OR4K2: variants seen among roughly 807,000 people sequenced by gnomAD.
The protein encoded by OR4K2 is olfactory receptor 4K2.
In OR4K2, 8 loss-of-function variants were observed where a neutral mutation model predicts 10.5. The observed-to-expected ratio is 0.76, with a 90% CI of 0.45 to 1.37. The LOEUF is 1.37. Ranked by LOEUF, OR4K2 falls within the 40% of genes most tolerant of loss-of-function variation. The pLI, the probability that OR4K2 is intolerant of heterozygous loss-of-function variation, is 0.00. For missense variants in OR4K2, 547 were observed against 379.5 expected (o/e 1.44, Z -3.67); for synonymous variants, 178 against 133.6 (o/e 1.33, Z -2.29).
rs955526275 is a variant in OR4K2, at chr14:19,880,254, A to T, written c.*3042A>T. The T allele has an allele frequency of 2.0e-5, 3 of 152,096 alleles. No homozygotes were observed. The highest frequency in any genetic ancestry group is 4.4e-5 in the Non-Finnish European group (3 of 68,010). The allele number at this position is 152,096 out of a possible 1,614,324, so 9.4% of individuals were successfully genotyped here. ...ACTCTGGTATCTTTTTTTTTTTTAA[A>T]CAGTGTTTAATACTACTTCTACTAC... On this transcript the variant is annotated 3_prime_UTR_variant, in exon 2 of 2. Coordinates refer to ENST00000641885, the MANE Select transcript of OR4K2 (RefSeq NM_001005501.2).
rs1880873849 is a variant in OR4K2 at position 19,875,595 on chromosome 14, C to T, written c.-563C>T. ...AGAAAGGACCAAAAGAAGTTAAATGCCTTTCCTTTGTCTGTATGACTGTAT... is the reference window on the plus strand; with the variant it reads ...AGAAAGGACCAAAAGAAGTTAAATGTCTTTCCTTTGTCTGTATGACTGTAT... On this transcript the variant is annotated 5_prime_UTR_variant, in exon 1 of 2. Coordinates refer to ENST00000641885, the MANE Select transcript of OR4K2 (RefSeq NM_001005501.2). The T allele has an allele frequency of 2.0e-5, 3 of 152,318 alleles. No individual in the cohort carries two copies. The South Asian group carries it at 6.2e-4, about 32-fold the overall frequency. The allele number at this position is 152,318 out of a possible 1,614,324, so 9.4% of individuals were successfully genotyped here. A position where few individuals can be genotyped will look rare whatever the true frequency, so the allele number is the denominator to read the frequency against.
chr14:19,876,485 T>C lies in OR4K2; in HGVS notation c.218T>C (p.Leu73Pro). ...LTNLSIIDMSLASFATPKMIT... is the reference protein window; with the variant it reads ...LTNLSIIDMSPASFATPKMIT... ...AATCTTTCAATCATTGATATGTCTC[T>C]TGCTTCTTTCGCCACCCCAAAGATG... The change falls in exon 2 of 2, where the codon CTT becomes CCT. Residue 73 changes from leucine (L) to proline (P), a missense_variant. Physicochemically the swap from Leu to Pro is moderately conservative, Grantham distance 98. Coordinates refer to ENST00000641885, the MANE Select transcript of OR4K2 (RefSeq NM_001005501.2). 1 of 1,614,208 alleles carries C rather than the reference T, an allele frequency of 6.2e-7. No individual in the cohort carries two copies. The highest frequency in any genetic ancestry group is 8.5e-7 in the Non-Finnish European group (1 of 1,180,000).
chr14:19,876,983 C>A lies in OR4K2; in HGVS notation c.716C>A (p.Thr239Asn), dbSNP rs112302190. 5.7e-5 allele frequency: 92 copies of A among 1,613,972 alleles called. No homozygotes were observed. In the African/African-American group the frequency reaches 1.1e-3, roughly 18 times the overall value. Residue 239 changes from threonine to asparagine, a missense_variant, in exon 2 of 2, where the codon ACT (threonine) becomes AAT (asparagine). Physicochemically the swap from Thr to Asn is moderately conservative, Grantham distance 65 (BLOSUM62 0). Coordinates refer to ENST00000641885, the MANE Select transcript of OR4K2 (RefSeq NM_001005501.2). ...AGAGGATCATCTAAGGCCCTTTCTACTTGTACAGCTCATTTCATTGTTGTC... is the reference window on the plus strand; with the variant it reads ...AGAGGATCATCTAAGGCCCTTTCTAATTGTACAGCTCATTTCATTGTTGTC... ...SSRGSSKALS[T>N]CTAHFIVVFL...
chr14:19,876,964 T>C lies in OR4K2; in HGVS notation c.697T>C (p.Ser233Pro). 1 of 1,614,076 alleles carries C rather than the reference T, an allele frequency of 6.2e-7. No individual in the cohort carries two copies. Among genetic ancestry groups the C allele is most frequent in the South Asian group, 1.1e-5 (1 of 91,090 alleles). Residue 233 changes from serine to proline, a missense_variant, in exon 2 of 2, where the codon TCA becomes CCA. Ser to Pro is a moderately conservative substitution (Grantham distance 74). Transcript: ENST00000641885. ...TGTGAAGCATCATTCTTCCAGAGGATCATCTAAGGCCCTTTCTACTTGTAC... is the reference window on the plus strand; with the variant it reads ...TGTGAAGCATCATTCTTCCAGAGGACCATCTAAGGCCCTTTCTACTTGTAC... ...VTVKHHSSRGSSKALSTCTAH... is the reference protein window; with the variant it reads ...VTVKHHSSRGPSKALSTCTAH...
Position 19,876,244 on chromosome 14 carries a change from G to T in OR4K2, c.-23-1G>T. 4 of 934,212 alleles carry T rather than the reference G, an allele frequency of 4.3e-6. No homozygotes were observed. Among genetic ancestry groups the T allele is most frequent in the Non-Finnish European group, 6.4e-6 (4 of 620,312 alleles). The allele number at this position is 934,212 out of a possible 1,614,324, so 57.9% of individuals were successfully genotyped here. Reference sequence around the variant, plus strand: ...TTTTTTTTTTTTTTTTCGTGATACAGGCTTCTGCCTATGAATCAAGACAAT... The same window carrying T: ...TTTTTTTTTTTTTTTTCGTGATACATGCTTCTGCCTATGAATCAAGACAAT... On this transcript the variant is annotated splice_acceptor_variant, in intron 1 of 1. Coordinates refer to ENST00000641885, the MANE Select transcript of OR4K2 (RefSeq NM_001005501.2). LOFTEE classifies it low-confidence loss of function (5UTR_SPLICE).
In OR4K2 at chr14:19,879,806, T is replaced by C. The variant is rs935679349; in HGVS notation, c.*2594T>C. 6.6e-6 allele frequency: 1 copy of C among 152,264 alleles called. No individual in the cohort carries two copies. The highest frequency in any genetic ancestry group is 2.4e-5 in the African/African-American group (1 of 41,472). The allele number at this position is 152,264 out of a possible 1,614,324, so 9.4% of individuals were successfully genotyped here. ...TGGTATAATGATGGTGGATTTACCA[T>C]AAAGCTTGTAAAGCTTAGGTTTTAT... On this transcript the variant is annotated 3_prime_UTR_variant, in exon 2 of 2. Coordinates refer to ENST00000641885, the MANE Select transcript of OR4K2 (RefSeq NM_001005501.2).
rs1212884456 is a variant in OR4K2 at position 19,877,397 on chromosome 14, A to G, written c.*185A>G. The G allele has an allele frequency of 7.7e-6, 4 of 520,212 alleles. No individual in the cohort carries two copies. The highest frequency in any genetic ancestry group is 1.3e-5 in the Non-Finnish European group (4 of 296,982). The allele number at this position is 520,212 out of a possible 1,614,324, so 32.2% of individuals were successfully genotyped here. ...TTCAGAAAAGCAAGTTAAAAGAAAT[A>G]AAGACTATAAAAATGTCAGGAGTGA... On this transcript the variant is annotated 3_prime_UTR_variant, in exon 2 of 2. Coordinates refer to ENST00000641885, the MANE Select transcript of OR4K2 (RefSeq NM_001005501.2).
chr14:19,875,567 AAAAG>A lies in OR4K2; in HGVS notation c.-586_-583del, dbSNP rs1356715732. The stretch of plus-strand genomic sequence containing the variant: ...AAGGAACACAGTCATATTTTAATTA[AAAAG>A]AAAGGACCAAAAGAAGTTAAATGCC... On this transcript the variant is annotated 5_prime_UTR_variant, in exon 1 of 2. Transcript: ENST00000641885. 2.0e-5 allele frequency: 3 copies of A among 152,256 alleles called. No individual in the cohort carries two copies. The highest frequency in any genetic ancestry group is 7.2e-5 in the African/African-American group (3 of 41,478). The allele number at this position is 152,256 out of a possible 1,614,324, so 9.4% of individuals were successfully genotyped here.
Position 19,876,073 on chromosome 14 carries a change from AT to A in OR4K2, c.-84del. Reference sequence around the variant, plus strand: ...AAGGAACATTTTGCTATAAGCTCTAATATTTCATAATTTCCATTCAAAACAA... The same window carrying A: ...AAGGAACATTTTGCTATAAGCTCTAAATTTCATAATTTCCATTCAAAACAA... On this transcript the variant is annotated 5_prime_UTR_variant, in exon 1 of 2. Coordinates refer to ENST00000641885, the MANE Select transcript of OR4K2 (RefSeq NM_001005501.2). 1.8e-6 allele frequency: 1 copy of A among 565,272 alleles called. No individual in the cohort carries two copies. The highest frequency in any genetic ancestry group is 3.0e-6 in the Non-Finnish European group (1 of 328,764). 35.0% of individuals were successfully genotyped at this position (565,272 alleles called of 1,614,324 possible). A position where few individuals can be genotyped will look rare whatever the true frequency, so the allele number is the denominator to read the frequency against.
At position 19,876,789 on chromosome 14, in the gene OR4K2, A is replaced by G. The variant is rs1430759006; in HGVS notation, c.522A>G (p.Val174=). The change falls in exon 2 of 2, where the codon GTA becomes GTG. Residue 174 remains valine, a synonymous_variant. Transcript: ENST00000641885. ...TACCATTCTGTGGTCCCTATGAGGT[A>G]GACAGCTTTTTCTGTGACCTTCCTG... ...LTLPFCGPYE[V]DSFFCDLPVV... is the part of the protein sequence containing the mutation. 1.2e-6 allele frequency: 2 copies of G among 1,614,086 alleles called. No homozygotes were observed. Among genetic ancestry groups the G allele is most frequent in the Admixed American group, 1.7e-5 (1 of 60,004 alleles).
In OR4K2 at chr14:19,875,406, A is replaced by T. The variant is rs939609829; in HGVS notation, c.-752A>T. On this transcript the variant is annotated 5_prime_UTR_variant, in exon 1 of 2. It removes an upstream start codon present in the reference 5' UTR. Coordinates refer to ENST00000641885, the MANE Select transcript of OR4K2 (RefSeq NM_001005501.2). ...CTTAGGTCAATACAACAGTTTACATATGTTAACATTTACAGAAGAAGAATT... is the reference window on the plus strand; with the variant it reads ...CTTAGGTCAATACAACAGTTTACATTTGTTAACATTTACAGAAGAAGAATT... 6.6e-6 allele frequency: 1 copy of T among 152,258 alleles called. No individual in the cohort carries two copies. The allele number at this position is 152,258 out of a possible 1,614,324, so 9.4% of individuals were successfully genotyped here. A position where few individuals can be genotyped will look rare whatever the true frequency, so the allele number is the denominator to read the frequency against.
chr14:19,879,837 C>T lies in OR4K2; in HGVS notation c.*2625C>T, dbSNP rs559421873. Reference sequence around the variant, plus strand: ...TTGTAAAGCTTAGGTTTTATAACTCCTCCTTTGCATGGATTTCCTCGAAGG... The same window carrying T: ...TTGTAAAGCTTAGGTTTTATAACTCTTCCTTTGCATGGATTTCCTCGAAGG... On this transcript the variant is annotated 3_prime_UTR_variant, in exon 2 of 2. Transcript: ENST00000641885. The T allele has an allele frequency of 6.6e-6, 1 of 152,326 alleles. No individual in the cohort carries two copies. Among genetic ancestry groups the T allele is most frequent in the East Asian group, 1.9e-4 (1 of 5,182 alleles). The allele number at this position is 152,326 out of a possible 1,614,324, so 9.4% of individuals were successfully genotyped here.
At position 19,876,377 on chromosome 14, in the gene OR4K2, C is replaced by T. The variant is rs1300164492; in HGVS notation, c.110C>T (p.Ala37Val). The T allele has an allele frequency of 3.7e-6, 6 of 1,613,890 alleles. No homozygotes were observed. In the South Asian group the frequency reaches 6.6e-5, roughly 18 times the overall value. Residue 37 changes from alanine (A) to valine (V), a missense_variant, in exon 2 of 2, where the codon GCA becomes GTA. Physicochemically the swap from Ala to Val is moderately conservative, Grantham distance 64. Coordinates refer to ENST00000641885, the MANE Select transcript of OR4K2 (RefSeq NM_001005501.2). ...ATGGTGTTTTCATTGCTTTATGTGGCAACAATGGTGGGTAACAGCCTCATA... is the reference window on the plus strand; with the variant it reads ...ATGGTGTTTTCATTGCTTTATGTGGTAACAATGGTGGGTAACAGCCTCATA... ...FFMVFSLLYVATMVGNSLIVI... is the reference protein window; with the variant it reads ...FFMVFSLLYVVTMVGNSLIVI...
At position 19,875,226 on chromosome 14, in the gene OR4K2, G is replaced by T. The variant is rs993272417; in HGVS notation, c.-932G>T. The T allele has an allele frequency of 1.3e-5, 2 of 152,184 alleles. No homozygotes were observed. Among genetic ancestry groups the T allele is most frequent in the African/African-American group, 4.8e-5 (2 of 41,434 alleles). 9.4% of individuals were successfully genotyped at this position (152,184 alleles called of 1,614,324 possible). On this transcript the variant is annotated 5_prime_UTR_variant, in exon 1 of 2. Coordinates refer to ENST00000641885, the MANE Select transcript of OR4K2 (RefSeq NM_001005501.2). The stretch of plus-strand genomic sequence containing the variant: ...TTTATTTATATTTTAAATTGCCTTC[G>T]ATGCTCTGTCAGAAGCCTACTTAAC...
Position 19,879,213 on chromosome 14 carries a change from T to C in OR4K2, c.*2001T>C, listed in dbSNP as rs1170906031. 2.0e-5 allele frequency: 3 copies of C among 152,198 alleles called. No homozygotes were observed. Among genetic ancestry groups the C allele is most frequent in the Admixed American group, 2.0e-4 (3 of 15,274 alleles). The allele number at this position is 152,198 out of a possible 1,614,324, so 9.4% of individuals were successfully genotyped here. On this transcript the variant is annotated 3_prime_UTR_variant, in exon 2 of 2. Transcript: ENST00000641885. Reference sequence around the variant, plus strand: ...GGGCTTACATATATAAATGGAACTATCACATTTCTCGGTGGCTTAGTGTGA... The same window carrying C: ...GGGCTTACATATATAAATGGAACTACCACATTTCTCGGTGGCTTAGTGTGA...
chr14:19,876,973 G>A lies in OR4K2; in HGVS notation c.706G>A (p.Ala236Thr), dbSNP rs1189324142. Residue 236 changes from alanine (A) to threonine (T), a missense_variant, in exon 2 of 2, where the codon GCC becomes ACC. Physicochemically the swap from Ala to Thr is moderately conservative, Grantham distance 58. Transcript: ENST00000641885. ...KHHSSRGSSK[A>T]LSTCTAHFIV... is the part of the protein sequence containing the mutation. ...TCATTCTTCCAGAGGATCATCTAAG[G>A]CCCTTTCTACTTGTACAGCTCATTT... The A allele has an allele frequency of 1.9e-6, 3 of 1,613,966 alleles. No homozygotes were observed. Among genetic ancestry groups the A allele is most frequent in the Non-Finnish European group, 2.5e-6 (3 of 1,179,942 alleles).
chr14:19,882,925 T>A lies in OR4K2; in HGVS notation c.*5713T>A, dbSNP rs1328626392. 1.3e-5 allele frequency: 2 copies of A among 151,970 alleles called. No individual in the cohort carries two copies. The highest frequency in any genetic ancestry group is 2.1e-4 in the South Asian group (1 of 4,848). The allele number at this position is 151,970 out of a possible 1,614,324, so 9.4% of individuals were successfully genotyped here. A position where few individuals can be genotyped will look rare whatever the true frequency, so the allele number is the denominator to read the frequency against. On this transcript the variant is annotated 3_prime_UTR_variant, in exon 2 of 2. Coordinates refer to ENST00000641885, the MANE Select transcript of OR4K2 (RefSeq NM_001005501.2). ...TCATTGCAAACTCTGCCTTCCGGATTCACGCCATTCTCCTGCCTCAGCCTC... is the reference window on the plus strand; with the variant it reads ...TCATTGCAAACTCTGCCTTCCGGATACACGCCATTCTCCTGCCTCAGCCTC...
Position 19,878,123 on chromosome 14 carries a change from T to C in OR4K2, c.*911T>C, listed in dbSNP as rs1261024022. ...TGAATCTGCATTTAGTAATACATTG[T>C]CAATGTAATAAGTATGTTTTTGTAC... is the stretch of plus-strand genomic sequence containing the variant. On this transcript the variant is annotated 3_prime_UTR_variant, in exon 2 of 2. Coordinates refer to ENST00000641885, the MANE Select transcript of OR4K2 (RefSeq NM_001005501.2). 1 of 152,248 alleles carries C rather than the reference T, an allele frequency of 6.6e-6. No homozygotes were observed. The highest frequency in any genetic ancestry group is 1.9e-4 in the East Asian group (1 of 5,204). 9.4% of individuals were successfully genotyped at this position (152,248 alleles called of 1,614,324 possible). A position where few individuals can be genotyped will look rare whatever the true frequency, so the allele number is the denominator to read the frequency against.
chr14:19,876,361 T>C lies in OR4K2; in HGVS notation c.94T>C (p.Ser32Pro), dbSNP rs1880896230. ...ELQMFFFMVF[S>P]LLYVATMVGN... ...ACAGATGTTTTTCTTTATGGTGTTT[T>C]CATTGCTTTATGTGGCAACAATGGT... Residue 32 changes from serine (S) to proline (P), a missense_variant, in exon 2 of 2, where the codon TCA becomes CCA. Coordinates refer to ENST00000641885, the MANE Select transcript of OR4K2 (RefSeq NM_001005501.2). 3 of 1,614,122 alleles carry C rather than the reference T, an allele frequency of 1.9e-6. No homozygotes were observed. In the African/African-American group the frequency reaches 4.0e-5, roughly 22 times the overall value.
Sources: allele counts gnomAD v4.1 joint callset, GRCh38; gene constraint gnomAD v4.1.1; transcripts MANE v1.5; gene names NCBI Gene and HGNC (gene_info 2026-07-23, HGNC 2026-07-21).